STAT5B: variants seen among roughly 807,000 people sequenced by gnomAD.
STAT5B encodes the protein signal transducer and activator of transcription 5B.
Under a neutral mutation model 107.8 loss-of-function variants are expected in STAT5B, and 21 were observed. The ratio of observed to expected loss-of-function variants is 0.19; its 90% CI spans 0.14 to 0.28. The LOEUF (loss-of-function observed/expected upper bound fraction) is 0.28. STAT5B is among the 10% of genes least tolerant of loss of function. The pLI, the probability that STAT5B is intolerant of heterozygous loss-of-function variation, is 1.00. For missense variants in STAT5B, 565 were observed against 1,008.2 expected, an observed-to-expected ratio of 0.56 and a Z score of 5.95; for synonymous variants, 325 against 401.7, an observed-to-expected ratio of 0.81 and a Z score of 2.28.
intron 14 of STAT5B, 21 bp from the exon 15 acceptor site, chr17:42,210,322 G>A (rs764099461): frequency 1.2e-6 from 2 of 1,614,152 alleles, no homozygotes; most frequent in Non-Finnish European, 1.7e-6. Flanking sequence ...AAGGACAAAG[G>A]ACAGAAGCAG....
intron 2 of STAT5B, among the ~76,000 whole-genome samples, chr17:42,231,013 ACAC>A (rs1457908446): frequency 6.6e-6 from 1 of 152,034 alleles, no homozygotes; most frequent in East Asian, 1.9e-4. Context: ...TAAATTAAAA[ACAC>A]CAATGTCTCC....
chr17:42,262,932 A>ATG (rs1222722164), intron 1 of STAT5B, among the ~76,000 whole-genome samples: 2 of 66,810 alleles, frequency 3.0e-5, no homozygotes, highest in Non-Finnish European at 6.2e-5. Context: ...GTATATATAT[A>ATG]TGTATATATA....
intron 1 of STAT5B, among the ~76,000 whole-genome samples, chr17:42,265,512 C>G (rs879869275): frequency 4.6e-5 from 7 of 151,720 alleles, no homozygotes; most frequent in Non-Finnish European, 1.0e-4. Context: ...GCCACCATGC[C>G]CAGCTAATTT....
intron 1 of STAT5B, among the ~76,000 whole-genome samples, chr17:42,261,337 G>A (rs2080594791): frequency 6.6e-6 from 1 of 152,174 alleles, no homozygotes; most frequent in Non-Finnish European, 1.5e-5. Flanking sequence ...AACAATATAT[G>A]TTTATAGTTT....
At chr17:42,245,517 T>C (rs994432185) in intron 1 of STAT5B, among the ~76,000 whole-genome samples, 1 of 151,960 alleles carries the variant, frequency 6.6e-6, no homozygotes, top group Admixed American at 6.6e-5. Context: ...AATGCCTGGC[T>C]AATTTTTTAT....
At chr17:42,238,201 A>G (rs1447387781) in intron 1 of STAT5B, among the ~76,000 whole-genome samples, 2 of 149,964 alleles carry the variant, frequency 1.3e-5, no homozygotes, top group African/African-American at 4.9e-5. Flanking sequence ...TGGTGTGATC[A>G]TGGTTCACTG....
At position 42,230,877 on chromosome 17, in the gene STAT5B, G is replaced by A. The variant is rs151013382; in HGVS notation, c.128+1123C>T. 2.6e-5 allele frequency among the ~76,000 whole-genome samples: 4 copies of A among 152,160 alleles called. No individual in the cohort carries two copies. In the East Asian group the frequency reaches 7.7e-4, roughly 29 times the overall value. On this transcript the variant is annotated intron_variant, in intron 2 of 18. Coordinates refer to ENST00000293328, the MANE Select transcript of STAT5B (RefSeq NM_012448.4). ...GGATTTTGCCATGTTGGCCAGGCTT[G>A]TCTCAGAACTCCTGGCCTCCAGTGA... is the stretch of plus-strand genomic sequence containing the variant.
At chr17:42,243,315 C>T (rs2080421548) in intron 1 of STAT5B, among the ~76,000 whole-genome samples, 1 of 152,098 alleles carries the variant, frequency 6.6e-6, no homozygotes, top group African/African-American at 2.4e-5. Flanking sequence ...GAGATTGCGC[C>T]ACTTGCACTC....
chr17:42,238,597 C>G (rs964465704), intron 1 of STAT5B, among the ~76,000 whole-genome samples: 1 of 151,490 alleles, frequency 6.6e-6, no homozygotes, highest in African/African-American at 2.4e-5. Context: ...GGGATTACAG[C>G]TGCCCGCCAC....
rs57356051 is a variant in STAT5B at position 42,207,487 on chromosome 17, GCACACACACACACA to G, written c.2077+57_2077+70del. ...CAAGAGAGATAACACACGCAGGTAT[GCACACACACACACA>G]CACACACACACACACACACACACAA... On this transcript the variant is annotated intron_variant, in intron 16 of 18. Coordinates refer to ENST00000293328, the MANE Select transcript of STAT5B (RefSeq NM_012448.4). 4.7e-5 allele frequency: 56 copies of G among 1,198,634 alleles called. No individual in the cohort carries two copies. The Middle Eastern group carries it at 1.2e-3, about 27-fold the overall frequency. 74.2% of individuals were successfully genotyped at this position (1,198,634 alleles called of 1,614,324 possible). A position where few individuals can be genotyped will look rare whatever the true frequency, so the allele number is the denominator to read the frequency against.
At chr17:42,215,660 C>T (rs2080164803) in intron 12 of STAT5B, among the ~76,000 whole-genome samples, 2 of 152,060 alleles carry the variant, frequency 1.3e-5, no homozygotes, top group South Asian at 4.1e-4. Context: ...ACTCTGTCAC[C>T]CAGGCTGGAG....
intron 13 of STAT5B, 83 bp from the exon 14 acceptor site, chr17:42,210,580 AT>A: frequency 7.8e-7 from 1 of 1,282,922 alleles, no homozygotes; most frequent in Non-Finnish European, 1.1e-6. Flanking sequence ...GAAAAATTAA[AT>A]GGGAAACAAA....
chr17:42,254,319 A>G (rs1179291182), intron 1 of STAT5B, among the ~76,000 whole-genome samples: 3 of 152,172 alleles, frequency 2.0e-5, no homozygotes, highest in South Asian at 2.1e-4. Flanking sequence ...GTTTGAGGCT[A>G]CAGTGAGCCA....
chr17:42,211,955 T>C, intron 13 of STAT5B, 29 bp downstream of exon 13: 1 of 1,587,588 alleles, frequency 6.3e-7, no homozygotes, highest in Non-Finnish European at 8.6e-7. Context: ...AGGACTGATC[T>C]AACAGCGGCT....
intron 2 of STAT5B, 83 bp downstream of exon 2, chr17:42,231,906 CAACTTTGAAAG>C: frequency 6.4e-7 from 1 of 1,571,490 alleles, no homozygotes; most frequent in Non-Finnish European, 8.7e-7. Context: ...TTTAAAAATA[CAACTTTGAAAG>C]TTGCCATCAT....
chr17:42,262,909 T>TATATATACAC (rs1761091158), intron 1 of STAT5B, among the ~76,000 whole-genome samples: 2 of 122,584 alleles, frequency 1.6e-5, no homozygotes, highest in African/African-American at 6.0e-5. Flanking sequence ...TATATATGTG[T>TATATATACAC]ATATATATGT....
intron 9 of STAT5B, chr17:42,217,795 C>T: frequency 2.3e-6 from 1 of 440,380 alleles, no homozygotes; most frequent in Non-Finnish European, 4.2e-6. Flanking sequence ...ATCTCTGCCT[C>T]CCAGGTTCAA....
chr17:42,260,367 A>G (rs981710810), intron 1 of STAT5B, among the ~76,000 whole-genome samples: 1 of 152,214 alleles, frequency 6.6e-6, no homozygotes, highest in African/African-American at 2.4e-5. Context: ...TTCGTACAAA[A>G]AAAGGAATGT....
At chr17:42,249,199 C>T (rs1237708866) in intron 1 of STAT5B, among the ~76,000 whole-genome samples, 5 of 152,158 alleles carry the variant, frequency 3.3e-5, no homozygotes, top group African/African-American at 7.2e-5. Flanking sequence ...TGAGACCAGT[C>T]TGGCTAGCAT....
Sources: gnomAD v4.1 joint callset for allele counts (sites outside exome capture counted in the v4.1 genomes callset) on GRCh38, gnomAD v4.1.1 for gene constraint, MANE v1.5 for transcripts, NCBI Gene and HGNC (gene_info 2026-07-23, HGNC 2026-07-21) for gene names.